Variants in DNM3 observed in about 807,000 individuals in gnomAD.
The protein encoded by DNM3 is dynamin-3.
Under a neutral mutation model 101.6 loss-of-function variants are expected in DNM3, and 47 were observed. The observed-to-expected ratio is 0.46, with a 90% CI of 0.37 to 0.59. The LOEUF (loss-of-function observed/expected upper bound fraction) is 0.59. Among genes scored for constraint, DNM3 ranks in the 20% least tolerant of loss-of-function variants. The pLI is 0.00. For missense variants in DNM3, 849 were observed against 1,085.7 expected, an observed-to-expected ratio of 0.78 and a Z score of 3.06; for synonymous variants, 385 against 387.9, an observed-to-expected ratio of 0.99 and a Z score of 0.09.
chr1:172,280,879 A>T (rs2063464835), intron 15 of DNM3, among the ~76,000 whole-genome samples: 1 of 152,168 alleles, frequency 6.6e-6, no homozygotes, highest in African/African-American at 2.4e-5. Flanking sequence ...AGCATCAATA[A>T]TTAAGTTATC....
intron 13 of DNM3, among the ~76,000 whole-genome samples, chr1:172,123,611 A>G (rs2056446944): frequency 6.6e-6 from 1 of 152,184 alleles, no homozygotes; most frequent in Admixed American, 6.5e-5. Context: ...CTCTGTGGGC[A>G]GGCGAGTTCC....
chr1:172,225,477 C>T (rs2061079893), intron 14 of DNM3, among the ~76,000 whole-genome samples: 1 of 152,022 alleles, frequency 6.6e-6, no homozygotes, highest in Non-Finnish European at 1.5e-5. Flanking sequence ...TACTTTTTCC[C>T]AGTGTCAGCA....
chr1:171,989,668 A>G (rs1260830532), intron 4 of DNM3, among the ~76,000 whole-genome samples: 1 of 152,122 alleles, frequency 6.6e-6, no homozygotes, highest in Non-Finnish European at 1.5e-5. Context: ...TGTCATCTCA[A>G]TATCCAGAAA....
intron 14 of DNM3, among the ~76,000 whole-genome samples, chr1:172,190,944 A>G (rs1451277042): frequency 6.6e-6 from 1 of 152,040 alleles, no homozygotes; most frequent in Non-Finnish European, 1.5e-5. Flanking sequence ...AGATTGTAAA[A>G]ATTTTCTCCC....
intron 15 of DNM3, among the ~76,000 whole-genome samples, chr1:172,286,582 G>A (rs2063713204): frequency 6.6e-6 from 1 of 152,136 alleles, no homozygotes; most frequent in Admixed American, 6.5e-5. Flanking sequence ...AAATTCACAT[G>A]GCACCCAGCA....
chr1:172,392,728 G>C (rs2069628887), intron 20 of DNM3, among the ~76,000 whole-genome samples: 1 of 152,044 alleles, frequency 6.6e-6, no homozygotes, highest in Non-Finnish European at 1.5e-5. Flanking sequence ...AGGGGATAAG[G>C]GTGGGAGGAA....
chr1:172,130,673 G>A (rs1356483261), intron 13 of DNM3, among the ~76,000 whole-genome samples: 2 of 151,932 alleles, frequency 1.3e-5, no homozygotes, highest in Non-Finnish European at 2.9e-5. Flanking sequence ...GCCTTATTTA[G>A]GACTAACAAG....
intron 17 of DNM3, among the ~76,000 whole-genome samples, chr1:172,354,112 T>TGTGTGTGTGAGAGAGAGAGAGAGA (rs138540712): frequency 1.1e-5 from 1 of 94,940 alleles, no homozygotes; most frequent in Non-Finnish European, 1.9e-5. Flanking sequence ...TGTGTGTGTG[T>TGTGTGTGTGAGAGAGAGAGAGAGA]GAGAGAGAGA....
chr1:171,862,347 A>G (rs950516354), intron 1 of DNM3, among the ~76,000 whole-genome samples: 2 of 152,240 alleles, frequency 1.3e-5, no homozygotes, highest in Non-Finnish European at 2.9e-5. Flanking sequence ...ATGCCCACCA[A>G]TTGATCAATG....
intron 17 of DNM3, among the ~76,000 whole-genome samples, chr1:172,373,783 GA>G (rs574786988): frequency 1.3e-5 from 2 of 151,318 alleles, no homozygotes; most frequent in Non-Finnish European, 3.0e-5. Context: ...AGTAACAAAA[GA>G]AAAAAAACTC....
chr1:172,264,232 A>C (rs892651592), intron 15 of DNM3, among the ~76,000 whole-genome samples: 2 of 152,210 alleles, frequency 1.3e-5, no homozygotes, highest in African/African-American at 4.8e-5. Flanking sequence ...AGAAGAAGCT[A>C]ATTTCAAAGG....
chr1:172,231,039 C>T (rs756390681), intron 14 of DNM3, among the ~76,000 whole-genome samples: 2 of 151,808 alleles, frequency 1.3e-5, no homozygotes, highest in Non-Finnish European at 2.9e-5. Flanking sequence ...GAGTTCATCT[C>T]ATTTAAATAC....
intron 20 of DNM3, among the ~76,000 whole-genome samples, chr1:172,402,552 C>T (rs559535168): frequency 1.3e-5 from 2 of 152,252 alleles, no homozygotes; most frequent in African/African-American, 4.8e-5. Context: ...TGAAGGCTTT[C>T]TTTTAATTTG....
chr1:172,388,184 A>G (rs2069307236), intron 19 of DNM3, among the ~76,000 whole-genome samples: 1 of 151,908 alleles, frequency 6.6e-6, no homozygotes, highest in African/African-American at 2.4e-5. Flanking sequence ...CAGTGAGCCG[A>G]GATCACGCCA....
chr1:171,974,244 ACT>A, intron 2 of DNM3, among the ~76,000 whole-genome samples: 1 of 152,190 alleles, frequency 6.6e-6, no homozygotes, highest in Non-Finnish European at 1.5e-5. Flanking sequence ...TAGTCACTAC[ACT>A]GTTATTGAAA....
intron 17 of DNM3, among the ~76,000 whole-genome samples, chr1:172,367,394 C>T (rs142537310): frequency 9.0e-4 from 137 of 151,800 alleles, no homozygotes; most frequent in African/African-American, 3.0e-3. Context: ...ATAATTCTAC[C>T]GTCCTAAAAA....
chr1:172,122,093 AAAC>A (rs1399628460), intron 13 of DNM3, among the ~76,000 whole-genome samples: 2 of 152,220 alleles, frequency 1.3e-5, no homozygotes, highest in African/African-American at 2.4e-5. Flanking sequence ...TGCCTCTTTT[AAAC>A]AAGCAATAAT....
intron 14 of DNM3, among the ~76,000 whole-genome samples, chr1:172,197,490 G>T (rs1258675159): frequency 6.6e-6 from 1 of 151,914 alleles, no homozygotes; most frequent in Non-Finnish European, 1.5e-5. Flanking sequence ...TCTGTAAATT[G>T]CTTTGGGCAG....
At position 171,989,081 on chromosome 1, in the gene DNM3, T is replaced by C; in HGVS notation, c.522T>C (p.Val174=). ...ITRENCLILA[V]TPANTDLANS... is the part of the protein sequence containing the mutation. ...GGGAGAACTGTCTGATTTTAGCTGT[T>C]ACTCCAGCCAACACTGATCTTGCAA... Residue 174 remains valine, a synonymous_variant, in exon 4 of 21, where the codon GTT becomes GTC. Coordinates refer to ENST00000627582, the MANE Select transcript of DNM3 (RefSeq NM_015569.5). The C allele has an allele frequency of 6.2e-7, 1 of 1,613,264 alleles. No individual in the cohort carries two copies. Among genetic ancestry groups the C allele is most frequent in the South Asian group, 1.1e-5 (1 of 90,956 alleles).
Sources: gnomAD v4.1 joint callset for allele counts (sites outside exome capture counted in the v4.1 genomes callset) on GRCh38, gnomAD v4.1.1 for gene constraint, MANE v1.5 for transcripts, NCBI Gene and HGNC (gene_info 2026-07-23, HGNC 2026-07-21) for gene names.